Variants in AGAP1 observed in about 807,000 individuals in gnomAD.
AGAP1 encodes the protein arf-GAP with GTPase, ANK repeat and PH domain-containing protein 1.
A neutral mutation model predicts 105.3 loss-of-function variants in AGAP1; 29 were observed. The ratio of observed to expected loss-of-function variants is 0.28; its 90% confidence interval spans 0.21 to 0.38. AGAP1 has a LOEUF of 0.38. Ranked by LOEUF, AGAP1 falls within the 10% of genes least tolerant of loss-of-function variation. The pLI, the probability that AGAP1 is intolerant of heterozygous loss-of-function variation, is 1.00. For synonymous variants in AGAP1, 509 were observed against 485.9 expected (o/e 1.05, Z -0.63); for missense variants, 998 against 1,165.1 (o/e 0.86, Z 2.09).
chr2:235,786,607 G>A (rs1374904294), intron 6 of AGAP1, among the ~76,000 whole-genome samples: 17 of 152,188 alleles, frequency 1.1e-4, no homozygotes, highest in Admixed American at 1.1e-3. Flanking sequence ...TTTTTATCGA[G>A]ATTGTTGTAG....
chr2:235,538,260 G>A (rs746702746), intron 1 of AGAP1, among the ~76,000 whole-genome samples: 20 of 152,136 alleles, frequency 1.3e-4, no homozygotes, highest in Admixed American at 3.3e-4. Context: ...GACAAGATTC[G>A]TTTTTGGCTA....
intron 9 of AGAP1, among the ~76,000 whole-genome samples, chr2:235,817,356 C>G (rs1216972196): frequency 6.6e-6 from 1 of 151,954 alleles, no homozygotes; most frequent in Non-Finnish European, 1.5e-5. Flanking sequence ...CTTAATAAGT[C>G]TTCACAGTCC....
intron 6 of AGAP1, among the ~76,000 whole-genome samples, chr2:235,782,808 C>T (rs535489744): frequency 5.3e-5 from 8 of 152,268 alleles, no homozygotes; most frequent in East Asian, 3.9e-4. Context: ...TTGAGGAAAC[C>T]GTATTGCATG....
At chr2:235,713,463 C>T (rs749673642) in intron 2 of AGAP1, among the ~76,000 whole-genome samples, 9 of 152,202 alleles carry the variant, frequency 5.9e-5, no homozygotes, top group East Asian at 1.9e-4. Context: ...TGTACTCATC[C>T]GTTCTTTTAC....
At chr2:235,514,171 CA>C (rs1942279447) in intron 1 of AGAP1, among the ~76,000 whole-genome samples, 16 of 152,188 alleles carry the variant, frequency 1.1e-4, no homozygotes, top group Admixed American at 1.0e-3. Flanking sequence ...CGCACACACA[CA>C]CACACACACA....
chr2:235,587,535 T>A (rs1945155541), intron 1 of AGAP1, among the ~76,000 whole-genome samples: 1 of 151,948 alleles, frequency 6.6e-6, no homozygotes. Flanking sequence ...GCGGATCACT[T>A]GAGGTCAGGA....
chr2:235,869,619 T>C (rs2049344540), intron 9 of AGAP1, among the ~76,000 whole-genome samples: 1 of 151,862 alleles, frequency 6.6e-6, no homozygotes, highest in Admixed American at 6.6e-5. Flanking sequence ...AAAATAAAAG[T>C]GCCACCTTAT....
rs544190886 is a variant in AGAP1, at chr2:235,657,786, C to A, written c.164-51393C>A. Among the ~76,000 whole-genome samples the A allele has an allele frequency of 5.3e-5, 8 of 152,184 alleles. No homozygotes were observed. The South Asian group carries it at 1.2e-3, about 24-fold the overall frequency. ...TCCTAACCCCCAGTGCCTCATAATGCGATTCTATTTGGAGACAGGTTCTTT... is the reference window on the plus strand; with the variant it reads ...TCCTAACCCCCAGTGCCTCATAATGAGATTCTATTTGGAGACAGGTTCTTT... On this transcript the variant is annotated intron_variant, in intron 1 of 17. Transcript: ENST00000304032.
Position 235,843,889 on chromosome 2 carries a change from G to A in AGAP1, c.1050+36558G>A, listed in dbSNP as rs576791745. 1.6e-4 allele frequency among the ~76,000 whole-genome samples: 25 copies of A among 152,194 alleles called. No individual in the cohort carries two copies. The highest frequency in any genetic ancestry group is 3.1e-4 in the Non-Finnish European group (21 of 68,036). On this transcript the variant is annotated intron_variant, in intron 9 of 17. Transcript: ENST00000304032. This position sits in a 1 kb window ranked among gnomAD's most constrained non-coding sequence, Gnocchi z 5.9. Reference sequence around the variant, plus strand: ...CTTCTTCCAGGCAGCCTCCTGGGCCGCCAGTGGTGTGGAGCTGGCCGAGAA... The same window carrying A: ...CTTCTTCCAGGCAGCCTCCTGGGCCACCAGTGGTGTGGAGCTGGCCGAGAA...
chr2:236,000,555 C>T lies in AGAP1; in HGVS notation c.1645+31932C>T, dbSNP rs1198736451. On this transcript the variant is annotated intron_variant, in intron 13 of 17. Coordinates refer to ENST00000304032, the MANE Select transcript of AGAP1 (RefSeq NM_001037131.3). The surrounding 1 kb of genome is among the most constrained non-coding windows in gnomAD (Gnocchi z 4.3). ...CCCCCCAAGCCTGTTCCTAGAAGGC[C>T]ATGGCGCACCTGCTCTGTGCAGAGG... is the stretch of plus-strand genomic sequence containing the variant. Among the ~76,000 whole-genome samples the T allele has an allele frequency of 6.6e-6, 1 of 152,210 alleles. No homozygotes were observed. Among genetic ancestry groups the T allele is most frequent in the Non-Finnish European group, 1.5e-5 (1 of 68,038 alleles).
chr2:235,846,363 A>T (rs569976273), intron 9 of AGAP1, among the ~76,000 whole-genome samples: 1 of 152,126 alleles, frequency 6.6e-6, no homozygotes, highest in African/African-American at 2.4e-5. Flanking sequence ...TCACTCTGTC[A>T]CCCAGGCTGG....
At position 236,095,827 on chromosome 2, in the gene AGAP1, CATT is replaced by C. The variant is rs1454878176; in HGVS notation, c.2115-24362_2115-24360del. On this transcript the variant is annotated intron_variant, in intron 16 of 17. Coordinates refer to ENST00000304032, the MANE Select transcript of AGAP1 (RefSeq NM_001037131.3). The surrounding 1 kb of genome is among the most constrained non-coding windows in gnomAD (Gnocchi z 4.1). ...CTAAGAGCTGGCCAACTTCCACGAT[CATT>C]ATATTTTTGAGTTTTGCATCATGGC... Among the ~76,000 whole-genome samples, 7 of 152,200 alleles carry C rather than the reference CATT, an allele frequency of 4.6e-5. No individual in the cohort carries two copies. The highest frequency in any genetic ancestry group is 8.8e-5 in the Non-Finnish European group (6 of 68,040).
At chr2:235,790,518 C>A (rs1357761829) in intron 6 of AGAP1, among the ~76,000 whole-genome samples, 1 of 152,162 alleles carries the variant, frequency 6.6e-6, no homozygotes, top group African/African-American at 2.4e-5. Flanking sequence ...TGACCTGTAT[C>A]TTCTAACCAC....
intron 9 of AGAP1, among the ~76,000 whole-genome samples, chr2:235,821,966 A>G (rs1163449923): frequency 6.6e-6 from 1 of 152,248 alleles, no homozygotes; most frequent in Non-Finnish European, 1.5e-5. Flanking sequence ...TTCTGGCAGG[A>G]AAACCACAGA....
rs1286238856 is a variant in AGAP1 at position 235,747,589 on chromosome 2, G to T, written c.538+2750G>T. On this transcript the variant is annotated intron_variant, in intron 5 of 17. Transcript: ENST00000304032. The surrounding 1 kb of genome is among the most constrained non-coding windows in gnomAD (Gnocchi z 5.0). Reference sequence around the variant, plus strand: ...GCAATCAGGGCTGTATTCCTCACCTGCGGGATTCTCTTGGTCCTTCCCTAG... The same window carrying T: ...GCAATCAGGGCTGTATTCCTCACCTTCGGGATTCTCTTGGTCCTTCCCTAG... Among the ~76,000 whole-genome samples, 3 of 152,222 alleles carry T rather than the reference G, an allele frequency of 2.0e-5. No individual in the cohort carries two copies. Among genetic ancestry groups the T allele is most frequent in the Non-Finnish European group, 4.4e-5 (3 of 68,046 alleles).
At chr2:235,806,437 C>T (rs560334868) in intron 8 of AGAP1, among the ~76,000 whole-genome samples, 2 of 152,208 alleles carry the variant, frequency 1.3e-5, no homozygotes, top group African/African-American at 4.8e-5. Flanking sequence ...GAGACTGAGA[C>T]GATGGAGCTC....
At chr2:235,592,559 G>A (rs1264739422) in intron 1 of AGAP1, among the ~76,000 whole-genome samples, 1 of 152,190 alleles carries the variant, frequency 6.6e-6, no homozygotes, top group African/African-American at 2.4e-5. Context: ...TCCCTAAGGA[G>A]TCAGCCAATC....
At position 235,990,042 on chromosome 2, in the gene AGAP1, A is replaced by G. The variant is rs915249098; in HGVS notation, c.1645+21419A>G. ...ATTCAGACTCATAAAAATGTGGGCC[A>G]CACCCCAGGACCCACAGCCACACAA... is the stretch of plus-strand genomic sequence containing the variant. On this transcript the variant is annotated intron_variant, in intron 13 of 17. Coordinates refer to ENST00000304032, the MANE Select transcript of AGAP1 (RefSeq NM_001037131.3). Among the ~76,000 whole-genome samples, 9 of 152,218 alleles carry G rather than the reference A, an allele frequency of 5.9e-5. No individual in the cohort carries two copies. The East Asian group carries it at 1.5e-3, about 26-fold the overall frequency.
At position 235,665,193 on chromosome 2, in the gene AGAP1, T is replaced by C. The variant is rs753760279; in HGVS notation, c.164-43986T>C. On this transcript the variant is annotated intron_variant, in intron 1 of 17. Coordinates refer to ENST00000304032, the MANE Select transcript of AGAP1 (RefSeq NM_001037131.3). This position sits in a 1 kb window ranked among gnomAD's most constrained non-coding sequence, Gnocchi z 5.3. The stretch of plus-strand genomic sequence containing the variant: ...GATCTTGCCACTGCACTCTAGCCTG[T>C]CTGTGTGGTGGTGTGTTCATACACA... Among the ~76,000 whole-genome samples the C allele has an allele frequency of 4.6e-5, 7 of 152,172 alleles. No individual in the cohort carries two copies. Among genetic ancestry groups the C allele is most frequent in the Non-Finnish European group, 8.8e-5 (6 of 68,020 alleles).
Sources: gnomAD v4.1 joint callset for allele counts (sites outside exome capture counted in the v4.1 genomes callset) on GRCh38, gnomAD v4.1.1 for gene constraint, Gnocchi (gnomAD v3.1) non-coding constraint, MANE v1.5 for transcripts, NCBI Gene and HGNC (gene_info 2026-07-23, HGNC 2026-07-21) for gene names.